Variants in CPT1C observed in about 807,000 individuals in gnomAD.
The protein encoded by CPT1C is carnitine palmitoyltransferase 1C.
A neutral mutation model predicts 97.3 loss-of-function variants in CPT1C; 61 were observed. The ratio of observed to expected loss-of-function variants is 0.63; its 90% CI spans 0.51 to 0.78. The LOEUF is 0.78. Ranked by LOEUF, CPT1C falls within the 30% of genes least tolerant of loss-of-function variation. CPT1C has a pLI of 0.00. For synonymous variants in CPT1C, 469 were observed against 447.2 expected, an observed-to-expected ratio of 1.05 and a Z score of -0.61; for missense variants, 975 against 1,065.5, an observed-to-expected ratio of 0.92 and a Z score of 1.18.
At chr19:49,700,883 G>GCT in intron 5 of CPT1C, 28 bp downstream of exon 5, 1 of 1,600,250 alleles carries the variant, frequency 6.2e-7, no homozygotes, top group Non-Finnish European at 8.5e-7. Flanking sequence ...CCCTGCTCAG[G>GCT]CTCTCCTGGG....
intron 3 of CPT1C, among the ~76,000 whole-genome samples, chr19:49,697,024 C>A (rs1456520026): frequency 6.6e-6 from 1 of 152,208 alleles, no homozygotes; most frequent in Non-Finnish European, 1.5e-5. Flanking sequence ...CTGCCTTTGA[C>A]AGCCTCCCCT....
chr19:49,705,837 A>T, intron 10 of CPT1C, 72 bp from the exon 11 acceptor site: 1 of 1,354,698 alleles, frequency 7.4e-7, no homozygotes, highest in Non-Finnish European at 1.0e-6. Flanking sequence ...CCTAAGAAGT[A>T]TATAATAAAT....
intron 5 of CPT1C, 123 bp from the exon 6 acceptor site, chr19:49,701,186 CTCTTGGGG>C: frequency 1.4e-6 from 1 of 717,326 alleles, no homozygotes; most frequent in Non-Finnish European, 2.3e-6. Context: ...GTTCCTTTCT[CTCTTGGGG>C]TCTCCGATGC....
At position 49,708,726 on chromosome 19, in the gene CPT1C, A is replaced by G. The variant is rs2083659230; in HGVS notation, c.1453A>G (p.Thr485Ala). 6.2e-7 allele frequency: 1 copy of G among 1,612,690 alleles called. No homozygotes were observed. Among genetic ancestry groups the G allele is most frequent in the Middle Eastern group, 1.6e-4 (1 of 6,062 alleles). ...CPISGHMWEF[T>A]LATECFQLGY... ...AACAGCCTCTGTTTGCCCACAGTTC[A>G]CTCTGGCTACAGAATGCTTTCAGCT... Residue 485 changes from threonine to alanine, a missense_variant, in exon 14 of 20, where the codon ACT (threonine) becomes GCT (alanine). Around this residue, in one of 3 missense-constraint regions of CPT1C, gnomAD observed 35 missense variants for 66.6 expected, o/e 0.53. Coordinates refer to ENST00000598293, the MANE Select transcript of CPT1C (RefSeq NM_001199753.2).
chr19:49,705,171 C>G, intron 9 of CPT1C, 43 bp from the exon 10 acceptor site: 1 of 1,613,534 alleles, frequency 6.2e-7, no homozygotes, highest in Admixed American at 1.7e-5. Context: ...CTTTGGGCCA[C>G]GTGGGTCCTG....
chr19:49,702,842 A>G (rs974796788), intron 7 of CPT1C, among the ~76,000 whole-genome samples: 1 of 151,768 alleles, frequency 6.6e-6, no homozygotes, highest in South Asian at 2.1e-4. Context: ...CGTGAGACCT[A>G]CCATTGTAGG....
chr19:49,699,857 G>A (rs1219130499), intron 4 of CPT1C, among the ~76,000 whole-genome samples: 1 of 152,180 alleles, frequency 6.6e-6, no homozygotes, highest in African/African-American at 2.4e-5. Context: ...GGGAGGCTGA[G>A]GTAGGAGAAT....
At chr19:49,701,743 C>T in intron 7 of CPT1C, 109 bp downstream of exon 7, 1 of 1,315,828 alleles carries the variant, frequency 7.6e-7, no homozygotes, top group South Asian at 1.5e-5. Flanking sequence ...CCACAACCCA[C>T]ACGCCCCCAG....
At chr19:49,697,745 C>G (rs1408745378) in intron 4 of CPT1C, 1 of 286,564 alleles carries the variant, frequency 3.5e-6, no homozygotes, top group African/African-American at 2.3e-5. Flanking sequence ...AACCTTGTCT[C>G]TACTAAAAAT....
chr19:49,701,545 AC>A lies in CPT1C; in HGVS notation c.606del (p.Ala203ArgfsTer8). 1 of 1,611,728 alleles carries A rather than the reference AC, an allele frequency of 6.2e-7. No homozygotes were observed. On this transcript the variant is annotated frameshift_variant, in exon 7 of 20. Transcript: ENST00000598293. LOFTEE classifies it high-confidence loss of function. ...CCTCTCCGACGAGGACTTCGACTGG[AC>A]CGCGGTCCTGGCGCAGGAATTCCTG... ...PILSDEDFDW[T>X]AVLAQEFLRL...
At position 49,701,407 on chromosome 19, in the gene CPT1C, A is replaced by G. The variant is rs893381344; in HGVS notation, c.544A>G (p.Thr182Ala). Reference sequence around the variant, plus strand: ...CCAGCCCGTGCCCTCTGTGCAGGACACCGTGCGCAAGGTGGGCCTGGGAGC... The same window carrying G: ...CCAGCCCGTGCCCTCTGTGCAGGACGCCGTGCGCAAGGTGGGCCTGGGAGC... ...PRQPVPSVQD[T>A]VRKYLESVRP... is the part of the protein sequence containing the mutation. The change falls in exon 6 of 20, where the codon ACC (threonine) becomes GCC (alanine). Residue 182 changes from threonine (T) to alanine (A), a missense_variant. This residue lies in a region of CPT1C where 596 missense variants were observed against 603.1 expected (regional missense o/e 0.99). Transcript: ENST00000598293. 1.9e-6 allele frequency: 3 copies of G among 1,609,270 alleles called. No individual in the cohort carries two copies. Among genetic ancestry groups the G allele is most frequent in the African/African-American group, 2.7e-5 (2 of 74,724 alleles).
At chr19:49,701,722 C>T (rs1455293748) in intron 7 of CPT1C, 88 bp downstream of exon 7, 1 of 1,417,606 alleles carries the variant, frequency 7.1e-7, no homozygotes, top group Non-Finnish European at 9.3e-7. Flanking sequence ...ACGCCCTGCC[C>T]CACGACACGC....
chr19:49,711,728 T>C (rs2083899049), intron 16 of CPT1C, 81 bp from the exon 17 acceptor site: 1 of 1,445,850 alleles, frequency 6.9e-7, no homozygotes, highest in Non-Finnish European at 9.3e-7. Flanking sequence ...GCAAACTCAG[T>C]TGAGGCCAGA....
chr19:49,713,269 G>A (rs2084036860), intron 19 of CPT1C, 151 bp from the exon 20 acceptor site: 2 of 791,806 alleles, frequency 2.5e-6, no homozygotes, highest in South Asian at 1.8e-5. Flanking sequence ...GGGAGTCCAG[G>A]CCCCCAGCCC....
chr19:49,697,678 G>A, intron 4 of CPT1C: 1 of 500,116 alleles, frequency 2.0e-6, no homozygotes, highest in Non-Finnish European at 3.5e-6. Flanking sequence ...TTGGGAGGCT[G>A]AGGTGGGTGT....
intron 7 of CPT1C, among the ~76,000 whole-genome samples, chr19:49,703,449 C>G (rs1282624843): frequency 1.3e-5 from 2 of 151,548 alleles, no homozygotes; most frequent in Admixed American, 6.6e-5. Context: ...ATCCGCCTGC[C>G]TCGGCCTCCC....
Position 49,706,183 on chromosome 19 carries a change from A to G in CPT1C, c.1161-48A>G. 1.7e-5 allele frequency: 26 copies of G among 1,548,230 alleles called. No homozygotes were observed. The highest frequency in any genetic ancestry group is 2.3e-5 in the Non-Finnish European group (26 of 1,147,210). ...GACTGTGGAAGGGCAGGGTGGGGCC[A>G]GGTGGCGGCTGGGCAGGATGGACTC... On this transcript the variant is annotated intron_variant, in intron 11 of 19. Transcript: ENST00000598293. The surrounding 1 kb of genome is among the most constrained non-coding windows in gnomAD (Gnocchi z 4.8).
Position 49,713,412 on chromosome 19 carries a change from C to G in CPT1C, c.2227-8C>G. 1 of 1,607,560 alleles carries G rather than the reference C, an allele frequency of 6.2e-7. No individual in the cohort carries two copies. The highest frequency in any genetic ancestry group is 8.5e-7 in the Non-Finnish European group (1 of 1,176,810). On this transcript the variant is annotated splice_region_variant and splice_polypyrimidine_tract_variant and intron_variant, in intron 19 of 19. Transcript: ENST00000598293. ...GCTTCCCCTGGCTCTGACCTGTTCT[C>G]CTTCCAGGATTCCCACAGGCTGGGG...
intron 15 of CPT1C, 37 bp from the exon 16 acceptor site, chr19:49,710,686 C>A: frequency 1.3e-6 from 2 of 1,599,178 alleles, no homozygotes; most frequent in South Asian, 2.2e-5. Flanking sequence ...CTCCTGAGCC[C>A]AGCTGACAGA....
Sources: allele counts gnomAD v4.1 joint callset (sites outside exome capture counted in the v4.1 genomes callset), GRCh38; gene constraint gnomAD v4.1.1; regional missense constraint gnomAD v4.1.1; non-coding constraint Gnocchi (gnomAD v3.1); transcripts MANE v1.5; gene names NCBI Gene and HGNC (gene_info 2026-07-23, HGNC 2026-07-21).